GALNTL6: variants seen among roughly 807,000 people sequenced by gnomAD.
The protein encoded by GALNTL6 is polypeptide N-acetylgalactosaminyltransferase-like 6.
A neutral mutation model predicts 73.7 loss-of-function variants in GALNTL6; 46 were observed. The ratio of observed to expected loss-of-function variants is 0.62; its 90% CI spans 0.49 to 0.80. GALNTL6 has a LOEUF of 0.80. GALNTL6 is among the 30% of genes least tolerant of loss of function. The pLI, the probability that GALNTL6 is intolerant of heterozygous loss-of-function variation, is 0.00. For synonymous variants in GALNTL6, 259 were observed against 263.7 expected, an observed-to-expected ratio of 0.98 and a Z score of 0.17; for missense variants, 604 against 755.0, an observed-to-expected ratio of 0.80 and a Z score of 2.34.
intron 5 of GALNTL6, among the ~76,000 whole-genome samples, chr4:172,513,960 A>C (rs1231706505): frequency 6.6e-6 from 1 of 152,040 alleles, no homozygotes; most frequent in African/African-American, 2.4e-5. Flanking sequence ...ACAGGTGGTA[A>C]AGTTAGCTGT....
At position 172,851,403 on chromosome 4, in the gene GALNTL6, C is replaced by CAT. The variant is rs35149106; in HGVS notation, c.924-31373_924-31372dup. On this transcript the variant is annotated intron_variant, in intron 7 of 12. Transcript: ENST00000506823. Reference sequence around the variant, plus strand: ...ATATATATATGTATGTATGTACTTACATATATATATATATACACACACACA... The same window carrying CAT: ...ATATATATATGTATGTATGTACTTACATATATATATATATATACACACACACA... Among the ~76,000 whole-genome samples, 50 of 109,820 alleles carry CAT rather than the reference C, an allele frequency of 4.6e-4. 1 individual carries two copies. The highest frequency in any genetic ancestry group is 8.6e-3 in the Middle Eastern group (2 of 232). 72.0% of individuals were successfully genotyped at this position (109,820 alleles called of 152,430 possible). A position where few individuals can be genotyped will look rare whatever the true frequency, so the allele number is the denominator to read the frequency against.
intron 5 of GALNTL6, among the ~76,000 whole-genome samples, chr4:172,619,702 G>C (rs917470698): frequency 6.6e-6 from 1 of 152,094 alleles, no homozygotes; most frequent in Non-Finnish European, 1.5e-5. Flanking sequence ...TGTCAGCTTT[G>C]TTTTTTAAGT....
rs987346951 is a variant in GALNTL6 at position 172,117,152 on chromosome 4, A to G, written c.139-112504A>G. Among the ~76,000 whole-genome samples, 3 of 152,190 alleles carry G rather than the reference A, an allele frequency of 2.0e-5. No individual in the cohort carries two copies. In the East Asian group the frequency reaches 5.8e-4, roughly 29 times the overall value. Reference sequence around the variant, plus strand: ...TCATGAGAGCAAAAACAACGTAATAAACTATCACACCAACGTAATTCTAAC... The same window carrying G: ...TCATGAGAGCAAAAACAACGTAATAGACTATCACACCAACGTAATTCTAAC... On this transcript the variant is annotated intron_variant, in intron 2 of 12. Transcript: ENST00000506823.
intron 5 of GALNTL6, among the ~76,000 whole-genome samples, chr4:172,702,783 A>G (rs192136266): frequency 1.2e-4 from 18 of 152,138 alleles, no homozygotes; most frequent in Non-Finnish European, 2.1e-4. Flanking sequence ...ATTTCAGTAT[A>G]GCAGCAGGAA....
At chr4:172,732,818 C>G (rs950287116) in intron 5 of GALNTL6, among the ~76,000 whole-genome samples, 4 of 151,966 alleles carry the variant, frequency 2.6e-5, no homozygotes, top group African/African-American at 9.7e-5. Context: ...CAAACAAAGG[C>G]AAAAAAACCC....
At chr4:172,051,924 A>G (rs941496873) in intron 2 of GALNTL6, among the ~76,000 whole-genome samples, 4 of 152,062 alleles carry the variant, frequency 2.6e-5, no homozygotes, top group African/African-American at 9.7e-5. Context: ...TATAGAGTCA[A>G]CCTTTCCAGC....
chr4:172,590,936 T>C (rs1737614064), intron 5 of GALNTL6, among the ~76,000 whole-genome samples: 1 of 152,134 alleles, frequency 6.6e-6, no homozygotes, highest in South Asian at 2.1e-4. Flanking sequence ...GTGAAATGCT[T>C]CATAAATTTG....
chr4:172,004,812 ACT>A (rs1740784335), intron 2 of GALNTL6, among the ~76,000 whole-genome samples: 1 of 151,772 alleles, frequency 6.6e-6, no homozygotes, highest in South Asian at 2.1e-4. Flanking sequence ...TTTAGGAATC[ACT>A]CTCTTTCTAA....
At chr4:172,265,986 T>C (rs1738438802) in intron 3 of GALNTL6, among the ~76,000 whole-genome samples, 1 of 152,148 alleles carries the variant, frequency 6.6e-6, no homozygotes, top group South Asian at 2.1e-4. Context: ...TTCTCATTCA[T>C]GGCTACACTT....
chr4:171,952,817 C>T (rs1046222903), intron 2 of GALNTL6, among the ~76,000 whole-genome samples: 4 of 151,750 alleles, frequency 2.6e-5, no homozygotes, highest in Non-Finnish European at 5.9e-5. Flanking sequence ...AATCCTGTAC[C>T]TTTGGGTTAT....
At chr4:172,985,438 T>A (rs1164293676) in intron 10 of GALNTL6, among the ~76,000 whole-genome samples, 1 of 151,904 alleles carries the variant, frequency 6.6e-6, no homozygotes, top group African/African-American at 2.4e-5. Flanking sequence ...AATTATTGAG[T>A]AAGTACTACA....
At chr4:172,937,751 A>T (rs1579679878) in intron 9 of GALNTL6, among the ~76,000 whole-genome samples, 1 of 152,232 alleles carries the variant, frequency 6.6e-6, no homozygotes, top group Non-Finnish European at 1.5e-5. Context: ...CAATGCCAGA[A>T]TATCATGAGG....
chr4:172,799,329 G>A (rs1242051999), intron 5 of GALNTL6, among the ~76,000 whole-genome samples: 1 of 152,144 alleles, frequency 6.6e-6, no homozygotes. Flanking sequence ...GCTGCAGTGG[G>A]GGGAAAAATT....
intron 5 of GALNTL6, among the ~76,000 whole-genome samples, chr4:172,537,796 G>A (rs896464779): frequency 6.6e-6 from 1 of 152,130 alleles, no homozygotes; most frequent in Non-Finnish European, 1.5e-5. Context: ...GGAAATCAAA[G>A]TATATAAATC....
At chr4:172,009,010 T>C (rs1740920413) in intron 2 of GALNTL6, among the ~76,000 whole-genome samples, 1 of 152,016 alleles carries the variant, frequency 6.6e-6, no homozygotes, top group South Asian at 2.1e-4. Flanking sequence ...AGAGAGAAAA[T>C]TGGGCATATT....
intron 5 of GALNTL6, among the ~76,000 whole-genome samples, chr4:172,743,715 T>C (rs988166856): frequency 6.6e-6 from 1 of 152,136 alleles, no homozygotes; most frequent in African/African-American, 2.4e-5. Flanking sequence ...ACTGTGCAGA[T>C]GTGCTATCAT....
chr4:172,048,480 C>T (rs1201694501), intron 2 of GALNTL6, among the ~76,000 whole-genome samples: 1 of 152,012 alleles, frequency 6.6e-6, no homozygotes, highest in Non-Finnish European at 1.5e-5. Flanking sequence ...CCTCAGTCAC[C>T]ACAGAAGGCT....
At chr4:172,301,540 G>T (rs571329060) in intron 3 of GALNTL6, among the ~76,000 whole-genome samples, 2 of 152,062 alleles carry the variant, frequency 1.3e-5, no homozygotes, top group Non-Finnish European at 2.9e-5. Context: ...GTACAGATGG[G>T]GTTTTGGTGT....
At chr4:171,819,328 A>C (rs759187467) in intron 2 of GALNTL6, among the ~76,000 whole-genome samples, 4 of 152,200 alleles carry the variant, frequency 2.6e-5, no homozygotes, top group Non-Finnish European at 2.9e-5. Flanking sequence ...CTGGTAGATC[A>C]CTACATGATT....
Sources: allele counts gnomAD v4.1 joint callset (sites outside exome capture counted in the v4.1 genomes callset), GRCh38; gene constraint gnomAD v4.1.1; transcripts MANE v1.5; gene names NCBI Gene and HGNC (gene_info 2026-07-23, HGNC 2026-07-21).